ZSCAN9: variants seen among roughly 807,000 people sequenced by gnomAD.
ZSCAN9 encodes the protein zinc finger and SCAN domain containing 9.
Under a neutral mutation model 23.0 loss-of-function variants are expected in ZSCAN9, and 19 were observed. That is an observed-to-expected ratio of 0.83 (90% CI 0.58 to 1.21). The LOEUF is 1.21. ZSCAN9 is among the 50% of genes most tolerant of loss of function. The pLI, the probability that ZSCAN9 is intolerant of heterozygous loss-of-function variation, is 0.00. For missense variants in ZSCAN9, 467 were observed against 471.5 expected, an observed-to-expected ratio of 0.99 and a Z score of 0.09; for synonymous variants, 155 against 164.8, an observed-to-expected ratio of 0.94 and a Z score of 0.46.
Position 28,225,792 on chromosome 6 carries a change from C to CTTA in ZSCAN9, c.-74+427_-74+429dup, listed in dbSNP as rs201927597. ...TGTAGCAGTTCCCGATTCCCTTTTC[C>CTTA]TTAGTTCATTGATTCTCAAACCTTA... On this transcript the variant is annotated intron_variant, in intron 1 of 3. Coordinates refer to ENST00000252207, the MANE Select transcript of ZSCAN9 (RefSeq NM_006299.5). Among the ~76,000 whole-genome samples, 1,350 of 152,288 alleles carry CTTA rather than the reference C, an allele frequency of 8.9e-3. 12 individuals carry two copies. Among genetic ancestry groups the CTTA allele is most frequent in the Admixed American group, 0.027 (410 of 15,292 alleles).
chr6:28,230,511 GAC>G (rs1467181329), intron 3 of ZSCAN9: 9 of 1,533,424 alleles, frequency 5.9e-6, no homozygotes, highest in East Asian at 2.4e-5. Flanking sequence ...GTATGTGAGA[GAC>G]AGGACAGTTA....
intron 3 of ZSCAN9, among the ~76,000 whole-genome samples, chr6:28,232,097 C>T (rs1270966554): frequency 1.3e-5 from 2 of 152,096 alleles, no homozygotes; most frequent in Non-Finnish European, 2.9e-5. Context: ...TTTGGGAGGC[C>T]GAGGTGGGTG....
chr6:28,226,527 T>TAG (rs1581560027), intron 1 of ZSCAN9, among the ~76,000 whole-genome samples: 1 of 152,264 alleles, frequency 6.6e-6, no homozygotes, highest in East Asian at 1.9e-4. Context: ...CTCCATGAAC[T>TAG]CTGTGAAGCA....
At chr6:28,227,985 C>T in intron 3 of ZSCAN9, 148 bp downstream of exon 3, 2 of 956,566 alleles carry the variant, frequency 2.1e-6, no homozygotes, top group East Asian at 2.6e-5. Flanking sequence ...CTAGTGTGCT[C>T]ATCTTTGACC....
At chr6:28,229,946 C>T (rs566805942) in intron 3 of ZSCAN9, among the ~76,000 whole-genome samples, 27 of 152,000 alleles carry the variant, frequency 1.8e-4, no homozygotes, top group African/African-American at 5.6e-4. Context: ...CAAGCTCCGC[C>T]TCCCGGGTTC....
In ZSCAN9 at chr6:28,232,635, G is replaced by A; in HGVS notation, c.642G>A (p.Gly214=). 1 of 1,614,210 alleles carries A rather than the reference G, an allele frequency of 6.2e-7. No individual in the cohort carries two copies. The highest frequency in any genetic ancestry group is 1.1e-5 in the South Asian group (1 of 91,082). The change falls in exon 4 of 4, where the codon GGG becomes GGA. Residue 214 remains glycine (G), a synonymous_variant. Transcript: ENST00000252207. ...GTCCTAAGATAGTGGAACCACATGG[G>A]AAAATGTTTAATGAGCAGACCTGGG... is the stretch of plus-strand genomic sequence containing the variant. ...KDCPKIVEPH[G]KMFNEQTWEV...
chr6:28,229,049 A>G (rs926346482), intron 3 of ZSCAN9: 3 of 152,158 alleles, frequency 2.0e-5, no homozygotes, highest in African/African-American at 7.2e-5. Flanking sequence ...TTTCAGTTTC[A>G]TATTACCCCT....
chr6:28,226,444 A>G (rs1561844809), intron 1 of ZSCAN9, among the ~76,000 whole-genome samples: 1 of 152,250 alleles, frequency 6.6e-6, no homozygotes, highest in Non-Finnish European at 1.5e-5. Flanking sequence ...GTTGATGTTT[A>G]TACAGTGAGT....
chr6:28,230,311 TACCC>T (rs1222269771), intron 3 of ZSCAN9: 2 of 1,498,294 alleles, frequency 1.3e-6, no homozygotes, highest in Non-Finnish European at 8.9e-7. Flanking sequence ...TTTTATATTC[TACCC>T]AGCTCCCTTA....
intron 3 of ZSCAN9, among the ~76,000 whole-genome samples, chr6:28,231,023 A>G (rs1216555668): frequency 6.6e-6 from 1 of 152,170 alleles, no homozygotes; most frequent in Admixed American, 6.5e-5. Context: ...AGTCCTCACT[A>G]TTCAAGGGGG....
chr6:28,233,289 C>A lies in ZSCAN9; in HGVS notation c.*111C>A, dbSNP rs1760378405. On this transcript the variant is annotated 3_prime_UTR_variant, in exon 4 of 4. Coordinates refer to ENST00000252207, the MANE Select transcript of ZSCAN9 (RefSeq NM_006299.5). ...TCCATGAAATGTGTTTGAAACAAAT[C>A]CTGACTTAAGGCCCAGGGACTTCCT... 6 of 1,503,390 alleles carry A rather than the reference C, an allele frequency of 4.0e-6. No individual in the cohort carries two copies. The highest frequency in any genetic ancestry group is 5.3e-6 in the Non-Finnish European group (6 of 1,132,916). 93.1% of individuals were successfully genotyped at this position (1,503,390 alleles called of 1,614,324 possible). A position where few individuals can be genotyped will look rare whatever the true frequency, so the allele number is the denominator to read the frequency against.
At position 28,233,137 on chromosome 6, in the gene ZSCAN9, A is replaced by G. The variant is rs761036221; in HGVS notation, c.1144A>G (p.Ile382Val). The change falls in exon 4 of 4, where the codon ATT becomes GTT. Residue 382 changes from isoleucine (I) to valine (V), a missense_variant. Ile to Val is a conservative substitution (Grantham distance 29, BLOSUM62 3). Transcript: ENST00000252207. ...GKSFNRHCNL[I>V]RHQKIHTVAE... is the part of the protein sequence containing the mutation. Reference sequence around the variant, plus strand: ...AAGCTTTAATCGACACTGCAACCTCATTCGCCATCAGAAGATCCACACAGT... The same window carrying G: ...AAGCTTTAATCGACACTGCAACCTCGTTCGCCATCAGAAGATCCACACAGT... The G allele has an allele frequency of 4.3e-6, 7 of 1,614,040 alleles. No individual in the cohort carries two copies. In the South Asian group the frequency reaches 6.6e-5, roughly 15 times the overall value.
At position 28,227,076 on chromosome 6, in the gene ZSCAN9, A is replaced by G. The variant is rs748904084; in HGVS notation, c.-9A>G. 3.5e-5 allele frequency: 57 copies of G among 1,610,576 alleles called. No homozygotes were observed. Among genetic ancestry groups the G allele is most frequent in the Admixed American group, 1.2e-4 (7 of 59,810 alleles). On this transcript the variant is annotated 5_prime_UTR_variant, in exon 2 of 4. Coordinates refer to ENST00000252207, the MANE Select transcript of ZSCAN9 (RefSeq NM_006299.5). ...CTGGAGGGTACCTTTTAAGCTGTTC[A>G]AGGTCAAGATGAATACAAACTCAAA...
chr6:28,227,778 C>G lies in ZSCAN9; in HGVS notation c.509C>G (p.Pro170Arg). The G allele has an allele frequency of 6.2e-7, 1 of 1,613,620 alleles. No individual in the cohort carries two copies. The highest frequency in any genetic ancestry group is 8.5e-7 in the Non-Finnish European group (1 of 1,179,878). Residue 170 changes from proline (P) to arginine (R), a missense_variant, in exon 3 of 4, where the codon CCT becomes CGT. Pro to Arg is a moderately radical substitution (Grantham distance 103, BLOSUM62 -2). Transcript: ENST00000252207. The part of the protein sequence containing the change: ...EQTPLTLQSQ[P>R]KEPQLTCDSA... ...ACACCACTGACCCTTCAGTCCCAGC[C>G]TAAGGAGCCACAGCTCACATGTGAC...
chr6:28,228,084 G>T lies in ZSCAN9; in HGVS notation c.568+247G>T, dbSNP rs1345547806. ...ATGGTACATGAGGAAGGCTTTCAGGGATCGCTGTGGAGCACAGCTTCAGAG... is the reference window on the plus strand; with the variant it reads ...ATGGTACATGAGGAAGGCTTTCAGGTATCGCTGTGGAGCACAGCTTCAGAG... On this transcript the variant is annotated intron_variant, in intron 3 of 3. Coordinates refer to ENST00000252207, the MANE Select transcript of ZSCAN9 (RefSeq NM_006299.5). The T allele has an allele frequency of 1.2e-5, 8 of 689,810 alleles. No homozygotes were observed. The East Asian group carries it at 2.1e-4, about 19-fold the overall frequency. 42.7% of individuals were successfully genotyped at this position (689,810 alleles called of 1,614,324 possible). A position where few individuals can be genotyped will look rare whatever the true frequency, so the allele number is the denominator to read the frequency against.
At chr6:28,232,489 T>C (rs1247430695) in intron 3 of ZSCAN9, 73 bp from the exon 4 acceptor site, 2 of 1,528,416 alleles carry the variant, frequency 1.3e-6, no homozygotes, top group African/African-American at 2.8e-5. Context: ...ATGATATATT[T>C]TTATAGACAT....
rs373057311 is a variant in ZSCAN9 at position 28,232,042 on chromosome 6, G to C, written c.569-520G>C. Among the ~76,000 whole-genome samples, 296 of 152,224 alleles carry C rather than the reference G, an allele frequency of 1.9e-3. 1 individual carries two copies. Among genetic ancestry groups the C allele is most frequent in the African/African-American group, 5.4e-3 (224 of 41,546 alleles). Reference sequence around the variant, plus strand: ...TCCCTCCCTATGAAGTATAAAAAAGGTACTGCCAGCTGGGTGCAGTGGCTC... The same window carrying C: ...TCCCTCCCTATGAAGTATAAAAAAGCTACTGCCAGCTGGGTGCAGTGGCTC... On this transcript the variant is annotated intron_variant, in intron 3 of 3. Transcript: ENST00000252207.
Position 28,227,156 on chromosome 6 carries a change from A to G in ZSCAN9, c.72A>G (p.Thr24=). The change falls in exon 2 of 4, where the codon ACA becomes ACG. Residue 24 remains threonine (T), a synonymous_variant. Transcript: ENST00000252207. ...QVPEAWEELL[T]MKVEAKSHLQ... ...CCGAGGCATGGGAAGAACTTCTGAC[A>G]ATGAAAGTGGAAGCAAAAAGTCACC... 8 of 1,614,234 alleles carry G rather than the reference A, an allele frequency of 5.0e-6. No homozygotes were observed. Among genetic ancestry groups the G allele is most frequent in the Non-Finnish European group, 6.8e-6 (8 of 1,180,048 alleles).
chr6:28,225,825 T>C (rs1760100170), intron 1 of ZSCAN9, among the ~76,000 whole-genome samples: 1 of 152,208 alleles, frequency 6.6e-6, no homozygotes, highest in Non-Finnish European at 1.5e-5. Context: ...TTATAATACA[T>C]ACAAATCACT....
Sources: allele counts gnomAD v4.1 joint callset (sites outside exome capture counted in the v4.1 genomes callset), GRCh38; gene constraint gnomAD v4.1.1; transcripts MANE v1.5; gene names NCBI Gene and HGNC (gene_info 2026-07-23, HGNC 2026-07-21).